The following PDE7A variants were observed in gnomAD, a reference collection of about 807,000 sequenced individuals.
The protein encoded by PDE7A is phosphodiesterase 7A.
Under a neutral mutation model 64.3 loss-of-function variants are expected in PDE7A, and 39 were observed. That is an observed-to-expected ratio of 0.61 (90% CI 0.47 to 0.79). The LOEUF is 0.79. PDE7A is among the 30% of genes least tolerant of loss of function. The probability of loss-of-function intolerance (pLI) is 0.00; values close to 1 mark genes in which losing one functional copy is unlikely to be tolerated. For missense variants in PDE7A, 470 were observed against 582.8 expected, an observed-to-expected ratio of 0.81 and a Z score of 1.99; for synonymous variants, 203 against 206.8, an observed-to-expected ratio of 0.98 and a Z score of 0.16.
At chr8:65,812,027 C>T (rs1241188981) in intron 1 of PDE7A, among the ~76,000 whole-genome samples, 1 of 151,108 alleles carries the variant, frequency 6.6e-6, no homozygotes, top group Non-Finnish European at 1.5e-5. Flanking sequence ...GGCAACATGG[C>T]AAAACCCCAT....
rs771005170 is a variant in PDE7A, at chr8:65,745,422, C to T, written c.484G>A (p.Asp162Asn). ...CTTCACTTACCATTTGTTAGTCTAT[C>T]AAATAGAAAGATATCAAAATTCCAA... Reference protein sequence around the residue: ...GNWNFDIFLFDRLTNGNSLVS... With the variant: ...GNWNFDIFLFNRLTNGNSLVS... The change falls in exon 5 of 13, where the codon GAT (aspartate) becomes AAT (asparagine). Residue 162 changes from aspartate to asparagine, a missense_variant. Transcript: ENST00000401827. The T allele has an allele frequency of 7.0e-6, 11 of 1,568,442 alleles. No homozygotes were observed. The highest frequency in any genetic ancestry group is 9.7e-6 in the Non-Finnish European group (11 of 1,138,606).
chr8:65,797,035 TAAA>T, intron 1 of PDE7A, among the ~76,000 whole-genome samples: 1 of 152,066 alleles, frequency 6.6e-6, no homozygotes, highest in East Asian at 1.9e-4. Context: ...TATATATTAG[TAAA>T]AAATGATTGG....
chr8:65,838,692 CA>C (rs1297695562), intron 1 of PDE7A: 1 of 152,242 alleles, frequency 6.6e-6, no homozygotes, highest in Non-Finnish European at 1.5e-5. Flanking sequence ...TCAAGCCCCT[CA>C]ACTAAATGTC....
At chr8:65,782,176 C>CTTAATATTTATGT (rs1356887121) in intron 2 of PDE7A, among the ~76,000 whole-genome samples, 1 of 152,090 alleles carries the variant, frequency 6.6e-6, no homozygotes, top group East Asian at 1.9e-4. Flanking sequence ...CTGTTGGAAT[C>CTTAATATTTATGT]TTAATATGCA....
At chr8:65,797,859 A>G (rs1305491216) in intron 1 of PDE7A, among the ~76,000 whole-genome samples, 1 of 151,832 alleles carries the variant, frequency 6.6e-6, no homozygotes, top group African/African-American at 2.4e-5. Context: ...CAAAAAAATT[A>G]AAAATGAATT....
At chr8:65,838,992 T>C (rs1014094743) in intron 1 of PDE7A, among the ~76,000 whole-genome samples, 1 of 152,224 alleles carries the variant, frequency 6.6e-6, no homozygotes, top group Non-Finnish European at 1.5e-5. Flanking sequence ...TTTGGATAAA[T>C]GAATTTGTGC....
At chr8:65,722,286 C>A (rs759285553) in intron 12 of PDE7A, 2 of 152,294 alleles carry the variant, frequency 1.3e-5, no homozygotes, top group Admixed American at 6.5e-5. Context: ...GGCCACAGTT[C>A]TACACGCTCT....
intron 1 of PDE7A, among the ~76,000 whole-genome samples, chr8:65,826,913 G>A (rs992555282): frequency 6.6e-6 from 1 of 152,022 alleles, no homozygotes; most frequent in African/African-American, 2.4e-5. Flanking sequence ...CTTGGCTGGT[G>A]GCTGCATCAC....
At chr8:65,748,991 T>C (rs1807810183) in intron 3 of PDE7A, among the ~76,000 whole-genome samples, 1 of 152,200 alleles carries the variant, frequency 6.6e-6, no homozygotes, top group South Asian at 2.1e-4. Flanking sequence ...ATGAACTTCA[T>C]TTCCTTAGCC....
chr8:65,824,614 C>T (rs1405455269), intron 1 of PDE7A, among the ~76,000 whole-genome samples: 1 of 152,192 alleles, frequency 6.6e-6, no homozygotes, highest in Non-Finnish European at 1.5e-5. Flanking sequence ...CCTTCAGCAA[C>T]CCCCACCCTG....
At chr8:65,735,371 T>C (rs947686270) in intron 6 of PDE7A, among the ~76,000 whole-genome samples, 1 of 152,066 alleles carries the variant, frequency 6.6e-6, no homozygotes, top group Non-Finnish European at 1.5e-5. Flanking sequence ...TGCAGTGACA[T>C]GATCATGGCT....
intron 2 of PDE7A, 118 bp from the exon 3 acceptor site, chr8:65,779,921 T>C: frequency 1.9e-6 from 1 of 515,428 alleles, no homozygotes; most frequent in South Asian, 3.9e-5. Flanking sequence ...ACTGATCATA[T>C]ATGTGGAACA....
At chr8:65,786,123 A>G (rs1809551109) in intron 1 of PDE7A, among the ~76,000 whole-genome samples, 1 of 152,196 alleles carries the variant, frequency 6.6e-6, no homozygotes, top group Non-Finnish European at 1.5e-5. Flanking sequence ...TAAGCAAAAA[A>G]GGCAGAGTTT....
At chr8:65,798,811 T>C (rs951548680) in intron 1 of PDE7A, among the ~76,000 whole-genome samples, 12 of 152,202 alleles carry the variant, frequency 7.9e-5, no homozygotes, top group African/African-American at 2.9e-4. Context: ...TTCATACCAG[T>C]TTTATTCCTA....
Position 65,836,005 on chromosome 8 carries a change from T to C in PDE7A, c.138+5366A>G, listed in dbSNP as rs75745714. ...TAGCTCAGAAGTGAAAGCTAAAGTATGGTAGTATTAAATTTAAATCAAAGT... is the reference window on the plus strand; with the variant it reads ...TAGCTCAGAAGTGAAAGCTAAAGTACGGTAGTATTAAATTTAAATCAAAGT... On this transcript the variant is annotated intron_variant, in intron 1 of 12. Transcript: ENST00000401827. Among the ~76,000 whole-genome samples the C allele has an allele frequency of 4.2e-4, 64 of 152,294 alleles. No homozygotes were observed. In the East Asian group the frequency reaches 0.011, roughly 26 times the overall value.
chr8:65,724,222 ATAGAT>A, intron 11 of PDE7A, 28 bp downstream of exon 11: 1 of 1,334,672 alleles, frequency 7.5e-7, no homozygotes, highest in Non-Finnish European at 1.1e-6. Flanking sequence ...AATGAACTGG[ATAGAT>A]TAATTATCAC....
At chr8:65,736,619 T>C (rs939937449) in intron 6 of PDE7A, among the ~76,000 whole-genome samples, 2 of 151,664 alleles carry the variant, frequency 1.3e-5, no homozygotes, top group Non-Finnish European at 2.9e-5. Context: ...GGTGTGGTGG[T>C]GCACACCTAT....
intron 1 of PDE7A, among the ~76,000 whole-genome samples, chr8:65,823,281 T>C (rs559350307): frequency 6.6e-6 from 1 of 152,288 alleles, no homozygotes; most frequent in Non-Finnish European, 1.5e-5. Context: ...ATTTGGAGAA[T>C]TTTCATTGTG....
intron 3 of PDE7A, among the ~76,000 whole-genome samples, chr8:65,753,928 A>G (rs1364934499): frequency 6.6e-6 from 1 of 152,066 alleles, no homozygotes; most frequent in African/African-American, 2.4e-5. Context: ...TGCCAATAAT[A>G]ATATAGTCAC....
Sources: allele counts gnomAD v4.1 joint callset (sites outside exome capture counted in the v4.1 genomes callset), GRCh38; gene constraint gnomAD v4.1.1; transcripts MANE v1.5; gene names NCBI Gene and HGNC (gene_info 2026-07-23, HGNC 2026-07-21).